The following CPS1 variants were observed in gnomAD, a reference collection of about 807,000 sequenced individuals.
CPS1 encodes the protein carbamoyl-phosphate synthase [ammonia], mitochondrial.
Under a neutral mutation model 174.6 loss-of-function variants are expected in CPS1, and 109 were observed. The ratio of observed to expected loss-of-function variants is 0.62; its 90% confidence interval spans 0.53 to 0.73. The LOEUF (loss-of-function observed/expected upper bound fraction) is 0.73, where lower values mean the gene tolerates loss of function less well. CPS1 is among the 30% of genes least tolerant of loss of function. The probability of loss-of-function intolerance (pLI) is 0.00; values close to 1 mark genes in which losing one functional copy is unlikely to be tolerated. For missense variants in CPS1, 1,689 were observed against 1,821.9 expected (o/e 0.93, Z 1.33); for synonymous variants, 637 against 632.0 (o/e 1.01, Z -0.12).
At chr2:210,487,266 C>T (rs73984631) in intron 1 of CPS1, among the ~76,000 whole-genome samples, 4,014 of 152,284 alleles carry the variant, frequency 0.026, 181 homozygotes, top group African/African-American at 0.092. Context: ...TGCTTCTTCC[C>T]TGTTGGCTTA....
At chr2:210,595,056 C>G (rs1698441893) in intron 12 of CPS1, among the ~76,000 whole-genome samples, 1 of 151,798 alleles carries the variant, frequency 6.6e-6, no homozygotes, top group African/African-American at 2.4e-5. Context: ...GAATATAACA[C>G]TTAAATCCTT....
chr2:210,670,987 A>G (rs138935726), intron 34 of CPS1, among the ~76,000 whole-genome samples: 1,985 of 152,336 alleles, frequency 0.013, 21 homozygotes, highest in Non-Finnish European at 0.019. Context: ...TAAGAAAGGC[A>G]TAACACAGGT....
chr2:210,500,910 T>C (rs1294047816), intron 1 of CPS1, among the ~76,000 whole-genome samples: 1 of 152,216 alleles, frequency 6.6e-6, no homozygotes, highest in Non-Finnish European at 1.5e-5. Flanking sequence ...CCATGAGGGC[T>C]CTAACCCTAC....
At chr2:210,636,543 C>T (rs554386673) in intron 21 of CPS1, among the ~76,000 whole-genome samples, 1 of 151,914 alleles carries the variant, frequency 6.6e-6, no homozygotes, top group Non-Finnish European at 1.5e-5. Flanking sequence ...GGTAAATAAG[C>T]CAAATGTATT....
At chr2:210,552,251 C>T (rs1246179216), upstream of CPS1, among the ~76,000 whole-genome samples, 1 of 151,858 alleles carries the variant, frequency 6.6e-6, no homozygotes, top group Admixed American at 6.6e-5. Flanking sequence ...TAATGTATCT[C>T]TTCAAAAATA....
intron 1 of CPS1, among the ~76,000 whole-genome samples, chr2:210,544,150 G>C (rs1487675042): frequency 1.3e-5 from 2 of 152,048 alleles, no homozygotes; most frequent in Non-Finnish European, 2.9e-5. Context: ...ACCAGGGATA[G>C]AGTGTGCTTC....
rs1266903989 is a variant in CPS1, at chr2:210,599,356, C to A, written c.1360-16C>A. On this transcript the variant is annotated splice_polypyrimidine_tract_variant and intron_variant, in intron 13 of 37. Coordinates refer to ENST00000233072, the MANE Select transcript of CPS1 (RefSeq NM_001875.5). ...AGACCATATATTCATGTACTGGATT[C>A]TTTTGTTTCTTTCAGGAAGAAAATG... 3 of 1,610,458 alleles carry A rather than the reference C, an allele frequency of 1.9e-6. No homozygotes were observed. The highest frequency in any genetic ancestry group is 2.5e-6 in the Non-Finnish European group (3 of 1,177,542).
At chr2:210,481,693 A>G (rs988918427) in intron 1 of CPS1, among the ~76,000 whole-genome samples, 1 of 152,250 alleles carries the variant, frequency 6.6e-6, no homozygotes, top group Non-Finnish European at 1.5e-5. Flanking sequence ...ACATTTTCCT[A>G]CTTGCCTAGT....
intron 1 of CPS1, among the ~76,000 whole-genome samples, chr2:210,522,377 A>ATTTTTTTTTTTTTTT (rs1189360235): frequency 6.6e-6 from 1 of 151,952 alleles, no homozygotes; most frequent in African/African-American, 2.4e-5. Flanking sequence ...GTTAAGTGTT[A>ATTTTTTTTTTTTTTT]TTTTTAAGAA....
At chr2:210,561,722 G>C (rs527397272) in intron 1 of CPS1, among the ~76,000 whole-genome samples, 289 of 152,296 alleles carry the variant, frequency 1.9e-3, no homozygotes, top group Middle Eastern at 3.4e-3. Context: ...GTCAAAGTTT[G>C]TGTTAGGCTC....
At chr2:210,484,092 AC>A (rs1178242772) in intron 1 of CPS1, among the ~76,000 whole-genome samples, 34 of 152,140 alleles carry the variant, frequency 2.2e-4, no homozygotes, top group Admixed American at 9.2e-4. Context: ...TACTAAGGAA[AC>A]CATGAGAACT....
rs538154673 is a variant in CPS1 at position 210,635,339 on chromosome 2, G to A, written c.2688-2363G>A. On this transcript the variant is annotated intron_variant, in intron 21 of 37. Coordinates refer to ENST00000233072, the MANE Select transcript of CPS1 (RefSeq NM_001875.5). ...CACTATTATCTTTCTCTGGCCTCAC[G>A]TAGCACCACATAGCTTATCCCTCCA... Among the ~76,000 whole-genome samples, 53 of 152,210 alleles carry A rather than the reference G, an allele frequency of 3.5e-4. 1 individual carries two copies. Among genetic ancestry groups the A allele is most frequent in the Non-Finnish European group, 6.5e-4 (44 of 68,006 alleles).
chr2:210,654,866 T>A (rs2105915884), intron 29 of CPS1, among the ~76,000 whole-genome samples: 1 of 152,316 alleles, frequency 6.6e-6, no homozygotes, highest in East Asian at 1.9e-4. Context: ...TCAGAGTAGA[T>A]CTTGTTAATA....
chr2:210,615,593 TACACATAC>T (rs995600803), intron 20 of CPS1, among the ~76,000 whole-genome samples: 84 of 152,112 alleles, frequency 5.5e-4, no homozygotes, highest in African/African-American at 1.9e-3. Flanking sequence ...TATATACACG[TACACATAC>T]ACACATACAA....
intron 32 of CPS1, among the ~76,000 whole-genome samples, chr2:210,661,121 T>C (rs1368565190): frequency 6.6e-6 from 1 of 152,166 alleles, no homozygotes; most frequent in African/African-American, 2.4e-5. Flanking sequence ...ATTTGAAAAA[T>C]TGAGACAGCT....
chr2:210,678,232 C>A lies in CPS1; in HGVS notation c.*247C>A. ...TTACTAATACTGTATTTTTGGTGGA[C>A]TAGGCTTGCCTATGTGCTTATGTGT... On this transcript the variant is annotated 3_prime_UTR_variant, in exon 38 of 38. Transcript: ENST00000233072. 1.8e-6 allele frequency: 1 copy of A among 543,796 alleles called. No individual in the cohort carries two copies. The highest frequency in any genetic ancestry group is 1.9e-5 in the African/African-American group (1 of 52,828). The allele number at this position is 543,796 out of a possible 1,614,324, so 33.7% of individuals were successfully genotyped here.
chr2:210,594,570 C>A lies in CPS1; in HGVS notation c.1227C>A (p.Val409=), dbSNP rs1394034733. 3.1e-6 allele frequency: 5 copies of A among 1,611,162 alleles called. No homozygotes were observed. Among genetic ancestry groups the A allele is most frequent in the Non-Finnish European group, 4.2e-6 (5 of 1,178,290 alleles). The part of the protein sequence containing the change: ...KKGKATTITS[V]LPKPALVASR... ...GAAAAGCTACCACCATTACATCAGT[C>A]TTACCGAAGCCAGCACTAGTTGCAT... Residue 409 remains valine (V), a synonymous_variant, in exon 12 of 38, where the codon GTC becomes GTA. Transcript: ENST00000233072.
Position 210,606,840 on chromosome 2 carries a change from C to T in CPS1, c.2091C>T (p.Cys697=). The T allele has an allele frequency of 6.2e-7, 1 of 1,612,600 alleles. No homozygotes were observed. Among genetic ancestry groups the T allele is most frequent in the Non-Finnish European group, 8.5e-7 (1 of 1,179,094 alleles). Residue 697 remains cysteine, a synonymous_variant, in exon 18 of 38, where the codon TGC becomes TGT. Transcript: ENST00000233072. ...GCCACTTGGGCATTGTGGGTGAATG[C>T]AACATTCAGTTTGCCCTTCATCCTA... ...VVRHLGIVGE[C]NIQFALHPTS...
chr2:210,534,202 G>A (rs1391652918), intron 1 of CPS1, among the ~76,000 whole-genome samples: 1 of 152,176 alleles, frequency 6.6e-6, no homozygotes, highest in East Asian at 1.9e-4. Flanking sequence ...GACTGCTCGC[G>A]AGGGGCTACT....
Sources: gnomAD v4.1 joint callset for allele counts (sites outside exome capture counted in the v4.1 genomes callset) on GRCh38, gnomAD v4.1.1 for gene constraint, MANE v1.5 for transcripts, NCBI Gene and HGNC (gene_info 2026-07-23, HGNC 2026-07-21) for gene names.